RIMBP2: variants seen among roughly 807,000 people sequenced by gnomAD.
The protein encoded by RIMBP2 is RIMS binding protein 2.
RIMBP2 carries 48 observed loss-of-function variants against 118.6 expected under a neutral mutation model. The ratio of observed to expected loss-of-function variants is 0.40; its 90% CI spans 0.32 to 0.51. The LOEUF is 0.51. RIMBP2 is among the 20% of genes least tolerant of loss of function. RIMBP2 has a pLI of 0.41. For synonymous variants in RIMBP2, 762 were observed against 742.9 expected, an observed-to-expected ratio of 1.03 and a Z score of -0.42; for missense variants, 1,551 against 1,768.3, an observed-to-expected ratio of 0.88 and a Z score of 2.20.
At chr12:130,584,311 ACCTC>A (rs1278417021) in intron 2 of RIMBP2, among the ~76,000 whole-genome samples, 2 of 12,064 alleles carry the variant, frequency 1.7e-4, no homozygotes, top group African/African-American at 2.4e-4. Flanking sequence ...CACCACCATC[ACCTC>A]CATCACCACC....
chr12:130,494,966 C>T (rs1014806110), intron 4 of RIMBP2, among the ~76,000 whole-genome samples: 1 of 152,232 alleles, frequency 6.6e-6, no homozygotes, highest in African/African-American at 2.4e-5. Context: ...TGCCCCGCTC[C>T]AGCTGCTGGC....
intron 2 of RIMBP2, among the ~76,000 whole-genome samples, chr12:130,616,691 G>C (rs1382306131): frequency 6.1e-4 from 93 of 152,336 alleles, no homozygotes. Context: ...TCAAGGCAGA[G>C]CCCAGGGCTG....
chr12:130,606,152 C>T lies in RIMBP2; in HGVS notation c.-217+22170G>A, dbSNP rs534986050. On this transcript the variant is annotated intron_variant, in intron 2 of 22. Transcript: ENST00000690449. The stretch of plus-strand genomic sequence containing the variant: ...AACTTTTTGAAAGTATGAACAATAA[C>T]AACTGGAAGTAAATATGGTAAAAAA... Among the ~76,000 whole-genome samples the T allele has an allele frequency of 8.6e-4, 130 of 152,004 alleles. 2 individuals carry two copies. The highest frequency in any genetic ancestry group is 1.7e-3 in the Non-Finnish European group (115 of 67,986).
intron 4 of RIMBP2, among the ~76,000 whole-genome samples, chr12:130,480,839 G>A (rs1200651336): frequency 3.9e-5 from 6 of 152,222 alleles, no homozygotes; most frequent in East Asian, 1.9e-4. Context: ...GACCTCAGGC[G>A]ATCCGCCTGC....
At chr12:130,504,581 G>A (rs1009174394) in intron 4 of RIMBP2, among the ~76,000 whole-genome samples, 1 of 152,144 alleles carries the variant, frequency 6.6e-6, no homozygotes, top group African/African-American at 2.4e-5. Flanking sequence ...TCTCCCCAAA[G>A]CTCAGAAAGG....
At chr12:130,653,382 C>G (rs1360667625) in intron 1 of RIMBP2, among the ~76,000 whole-genome samples, 1 of 152,236 alleles carries the variant, frequency 6.6e-6, no homozygotes, top group East Asian at 1.9e-4. Flanking sequence ...CAAAATAATC[C>G]TTGACTCCGT....
rs781769672 is a variant in RIMBP2, at chr12:130,525,555, C to T, written c.-216-7638G>A. ...AGGCGAGTGGAATGTGGGTAGCTGC[C>T]GGGAACAGCAGCCCTCCAGGAAGCC... On this transcript the variant is annotated intron_variant, in intron 2 of 22. Transcript: ENST00000690449. This position sits in a 1 kb window ranked among gnomAD's most constrained non-coding sequence, Gnocchi z 4.4. 1.3e-5 allele frequency among the ~76,000 whole-genome samples: 2 copies of T among 152,074 alleles called. No individual in the cohort carries two copies. The highest frequency in any genetic ancestry group is 2.4e-5 in the African/African-American group (1 of 41,398).
Position 130,617,594 on chromosome 12 carries a change from T to C in RIMBP2, c.-217+10728A>G, listed in dbSNP as rs1433515097. On this transcript the variant is annotated intron_variant, in intron 2 of 22. Coordinates refer to ENST00000690449, the MANE Select transcript of RIMBP2 (RefSeq NM_001393629.1). The surrounding 1 kb of genome is among the most constrained non-coding windows in gnomAD (Gnocchi z 4.6). ...TATTGAGAAGGGCCTGGAGGCGGCC[T>C]TTCCTTTAGCAAAGGTGGGCTGCTT... Among the ~76,000 whole-genome samples the C allele has an allele frequency of 6.6e-6, 1 of 152,180 alleles. No homozygotes were observed. Among genetic ancestry groups the C allele is most frequent in the African/African-American group, 2.4e-5 (1 of 41,448 alleles).
intron 2 of RIMBP2, among the ~76,000 whole-genome samples, chr12:130,567,807 C>A (rs1329078685): frequency 6.6e-6 from 1 of 152,170 alleles, no homozygotes; most frequent in African/African-American, 2.4e-5. Context: ...CACTCGGCAT[C>A]GCCTTTCTAG....
intron 3 of RIMBP2, among the ~76,000 whole-genome samples, chr12:130,513,399 G>A (rs1272296158): frequency 6.6e-6 from 1 of 152,158 alleles, no homozygotes; most frequent in Non-Finnish European, 1.5e-5. Flanking sequence ...GATTCTTGTG[G>A]CAGCAACGGT....
Position 130,680,113 on chromosome 12 carries a change from T to A in RIMBP2, c.-352+36109A>T, listed in dbSNP as rs7308461. On this transcript the variant is annotated intron_variant, in intron 1 of 22. Coordinates refer to ENST00000690449, the MANE Select transcript of RIMBP2 (RefSeq NM_001393629.1). ...AGCAAGTGAGACCATGCAGGCAATATGCTTTGTATGGAAACAGGAGCTCTC... is the reference window on the plus strand; with the variant it reads ...AGCAAGTGAGACCATGCAGGCAATAAGCTTTGTATGGAAACAGGAGCTCTC... Among the ~76,000 whole-genome samples the A allele has an allele frequency of 4.0e-3, 613 of 151,980 alleles. 6 individuals carry two copies. The highest frequency in any genetic ancestry group is 0.014 in the African/African-American group (564 of 41,502).
intron 1 of RIMBP2, among the ~76,000 whole-genome samples, chr12:130,699,641 A>G (rs1026242085): frequency 6.1e-4 from 93 of 151,884 alleles, no homozygotes; most frequent in South Asian, 2.9e-3. Flanking sequence ...TGACGAGTTA[A>G]TGGGTGCAGC....
At chr12:130,570,793 T>A (rs1350619042) in intron 2 of RIMBP2, among the ~76,000 whole-genome samples, 1 of 152,242 alleles carries the variant, frequency 6.6e-6, no homozygotes, top group Non-Finnish European at 1.5e-5. Context: ...TGCACTTTCA[T>A]GAACATGATG....
chr12:130,640,246 C>T (rs556545075), intron 1 of RIMBP2, among the ~76,000 whole-genome samples: 31 of 152,280 alleles, frequency 2.0e-4, no homozygotes, highest in African/African-American at 6.5e-4. Flanking sequence ...CTGAGCTCAG[C>T]GATGCTTTGC....
chr12:130,535,300 G>T (rs2053888640), intron 2 of RIMBP2, among the ~76,000 whole-genome samples: 1 of 151,974 alleles, frequency 6.6e-6, no homozygotes, highest in African/African-American at 2.4e-5. Context: ...GGAGTTTGAG[G>T]CCAGGCTGGG....
intron 21 of RIMBP2, 95 bp downstream of exon 21, chr12:130,406,077 A>G (rs554087604): frequency 6.3e-4 from 509 of 808,706 alleles, no homozygotes; most frequent in Non-Finnish European, 8.5e-4. Context: ...TTCATGCCCA[A>G]TTTTAAGAGA....
chr12:130,463,695 A>T (rs568857317), intron 6 of RIMBP2, among the ~76,000 whole-genome samples: 5 of 152,066 alleles, frequency 3.3e-5, no homozygotes, highest in Non-Finnish European at 7.4e-5. Flanking sequence ...ACTTAGTGTC[A>T]GAGGCGTTCA....
chr12:130,570,359 G>A lies in RIMBP2; in HGVS notation c.-216-52442C>T, dbSNP rs865964311. 7.2e-5 allele frequency among the ~76,000 whole-genome samples: 11 copies of A among 152,248 alleles called. No homozygotes were observed. The Middle Eastern group carries it at 0.01, about 141-fold the overall frequency. On this transcript the variant is annotated intron_variant, in intron 2 of 22. Coordinates refer to ENST00000690449, the MANE Select transcript of RIMBP2 (RefSeq NM_001393629.1). ...GAGGATAGATTGAGCCCAGGAGGCG[G>A]AGGTTGCAGTGAGCTGAGATCACAC...
At chr12:130,482,071 T>C (rs2082063092) in intron 4 of RIMBP2, among the ~76,000 whole-genome samples, 1 of 151,966 alleles carries the variant, frequency 6.6e-6, no homozygotes, top group South Asian at 2.1e-4. Flanking sequence ...ATGCAGGGGA[T>C]TCCCCGAGCT....
Sources: allele counts gnomAD v4.1 joint callset (sites outside exome capture counted in the v4.1 genomes callset), GRCh38; gene constraint gnomAD v4.1.1; non-coding constraint Gnocchi (gnomAD v3.1); transcripts MANE v1.5; gene names NCBI Gene and HGNC (gene_info 2026-07-23, HGNC 2026-07-21).